UNC5B: variants seen among roughly 807,000 people sequenced by gnomAD.
UNC5B encodes netrin receptor UNC5B.
In UNC5B, 56 loss-of-function variants were observed where a neutral mutation model predicts 103.7. The observed-to-expected ratio is 0.54, with a 90% CI of 0.44 to 0.67. UNC5B has a LOEUF of 0.67. Ranked by LOEUF, UNC5B falls within the 30% of genes least tolerant of loss-of-function variation. The pLI is 0.00. For synonymous variants in UNC5B, 577 were observed against 542.0 expected, an observed-to-expected ratio of 1.06 and a Z score of -0.90; for missense variants, 1,194 against 1,284.5, an observed-to-expected ratio of 0.93 and a Z score of 1.08.
intron 1 of UNC5B, among the ~76,000 whole-genome samples, chr10:71,250,085 A>T (rs546253938): frequency 3.6e-4 from 55 of 152,336 alleles, no homozygotes; most frequent in African/African-American, 1.2e-3. Context: ...ACTCTTGAGC[A>T]GGGCAGAGGT....
intron 1 of UNC5B, 67 bp from the exon 2 acceptor site, chr10:71,279,754 G>T: frequency 6.6e-7 from 1 of 1,524,488 alleles, no homozygotes; most frequent in Non-Finnish European, 8.9e-7. Flanking sequence ...GGCCCCCGGG[G>T]TGGGCGAGGG....
chr10:71,261,391 G>C (rs998663913), intron 1 of UNC5B, among the ~76,000 whole-genome samples: 1 of 152,266 alleles, frequency 6.6e-6, no homozygotes, highest in South Asian at 2.1e-4. Flanking sequence ...TTTGCCCCTA[G>C]ACTAGATTGA....
At chr10:71,219,873 G>A (rs1385078765) in intron 1 of UNC5B, among the ~76,000 whole-genome samples, 3 of 152,248 alleles carry the variant, frequency 2.0e-5, no homozygotes, top group African/African-American at 2.4e-5. Context: ...TGGGGCAGGT[G>A]ATGAGTGCCA....
In UNC5B at chr10:71,291,492, A is replaced by G; in HGVS notation, c.1355A>G (p.Tyr452Cys). 1.2e-6 allele frequency: 2 copies of G among 1,613,952 alleles called. No individual in the cohort carries two copies. Among genetic ancestry groups the G allele is most frequent in the South Asian group, 1.1e-5 (1 of 91,052 alleles). Residue 452 changes from tyrosine to cysteine, a missense_variant, in exon 10 of 17, where the codon TAC becomes TGC. Tyr to Cys is a radical substitution (Grantham distance 194). Coordinates refer to ENST00000335350, the MANE Select transcript of UNC5B (RefSeq NM_170744.5). The part of the protein sequence containing the change: ...PPDLTASAGI[Y>C]RGPVYALQDS... ...GACCTGACAGCCAGCGCCGGCATCT[A>G]CCGCGGACCCGTGTATGCCCTGCAG...
intron 1 of UNC5B, among the ~76,000 whole-genome samples, chr10:71,279,042 C>T (rs1362047309): frequency 1.3e-5 from 2 of 152,206 alleles, no homozygotes; most frequent in Non-Finnish European, 2.9e-5. Context: ...CCATCTGGCC[C>T]CCTTTGTGGG....
At chr10:71,247,158 A>G (rs530668501) in intron 1 of UNC5B, among the ~76,000 whole-genome samples, 2 of 152,348 alleles carry the variant, frequency 1.3e-5, no homozygotes, top group South Asian at 4.1e-4. Flanking sequence ...CTACTGAGCA[A>G]TAATAGACCA....
chr10:71,218,683 C>G (rs944425344), intron 1 of UNC5B, among the ~76,000 whole-genome samples: 1 of 152,212 alleles, frequency 6.6e-6, no homozygotes, highest in African/African-American at 2.4e-5. Context: ...GAGTCCCAGA[C>G]CTGGAGTCTT....
chr10:71,290,765 G>A lies in UNC5B; in HGVS notation c.1100-150G>A, dbSNP rs1359311407. ...TAGAGAGGTTCAAGGCTAGCCCGAG[G>A]TTGCCAGCCTGTGTAGGCAGGGCTC... On this transcript the variant is annotated intron_variant, in intron 8 of 16. Transcript: ENST00000335350. 2.7e-5 allele frequency: 24 copies of A among 895,124 alleles called. 1 individual carries two copies. Among genetic ancestry groups the A allele is most frequent in the South Asian group, 1.7e-4 (9 of 52,196 alleles). 55.4% of individuals were successfully genotyped at this position (895,124 alleles called of 1,614,324 possible).
At chr10:71,252,798 C>T (rs1564717347) in intron 1 of UNC5B, among the ~76,000 whole-genome samples, 1 of 152,166 alleles carries the variant, frequency 6.6e-6, no homozygotes, top group Non-Finnish European at 1.5e-5. Flanking sequence ...GAAGTCCATT[C>T]CAGAGAGCGG....
At chr10:71,239,136 A>T (rs1843833681) in intron 1 of UNC5B, among the ~76,000 whole-genome samples, 1 of 152,080 alleles carries the variant, frequency 6.6e-6, no homozygotes, top group Non-Finnish European at 1.5e-5. Flanking sequence ...AGTGCCAGTG[A>T]CCCAGGGAAG....
chr10:71,227,393 T>C (rs1843586070), intron 1 of UNC5B, among the ~76,000 whole-genome samples: 1 of 151,690 alleles, frequency 6.6e-6, no homozygotes, highest in African/African-American at 2.4e-5. Flanking sequence ...ATAAGAATGA[T>C]ATAATGGACT....
In UNC5B at chr10:71,295,948, G is replaced by A. The variant is rs755853595; in HGVS notation, c.2313G>A (p.Leu771=). The change falls in exon 14 of 17, where the codon CTG becomes CTA. Residue 771 remains leucine (L), a synonymous_variant. Transcript: ENST00000335350. ...ATGCCCATTGGAGGAGCAAGCTGCT[G>A]GCCAAATACCAGGTGAGGGCTGGGC... ...LPHAHWRSKL[L]AKYQEIPFYH... 6.2e-7 allele frequency: 1 copy of A among 1,613,026 alleles called. No individual in the cohort carries two copies. The highest frequency in any genetic ancestry group is 8.5e-7 in the Non-Finnish European group (1 of 1,180,010).
At chr10:71,280,161 A>G in intron 2 of UNC5B, 116 bp downstream of exon 2, 1 of 1,165,530 alleles carries the variant, frequency 8.6e-7, no homozygotes, top group Non-Finnish European at 1.2e-6. Context: ...GCATTTCCCC[A>G]AGTGCTGGCC....
At chr10:71,261,341 A>T (rs1844413113) in intron 1 of UNC5B, among the ~76,000 whole-genome samples, 1 of 152,168 alleles carries the variant, frequency 6.6e-6, no homozygotes, top group South Asian at 2.1e-4. Flanking sequence ...TTTATTAGTG[A>T]TGCTTGCCAC....
chr10:71,296,006 G>A (rs1237544264), intron 14 of UNC5B, 46 bp downstream of exon 14: 1 of 1,610,344 alleles, frequency 6.2e-7, no homozygotes, highest in East Asian at 2.2e-5. Flanking sequence ...CTTAAGGGCT[G>A]CCCGGGAAGC....
chr10:71,260,449 G>T (rs1844391321), intron 1 of UNC5B, among the ~76,000 whole-genome samples: 1 of 152,204 alleles, frequency 6.6e-6, no homozygotes, highest in African/African-American at 2.4e-5. Flanking sequence ...GTGCCCTTAT[G>T]AAAATGCCCT....
intron 8 of UNC5B, among the ~76,000 whole-genome samples, chr10:71,289,636 G>A (rs1018029103): frequency 1.3e-5 from 2 of 152,250 alleles, no homozygotes; most frequent in East Asian, 1.9e-4. Flanking sequence ...GCCCTCGGCC[G>A]AGCTCACTGG....
At chr10:71,264,769 G>C (rs1032284150) in intron 1 of UNC5B, among the ~76,000 whole-genome samples, 4 of 152,152 alleles carry the variant, frequency 2.6e-5, no homozygotes, top group African/African-American at 9.7e-5. Context: ...GCAGGAGCCT[G>C]GGTTTTAGCG....
chr10:71,227,218 C>A (rs1278425793), intron 1 of UNC5B, among the ~76,000 whole-genome samples: 1 of 152,136 alleles, frequency 6.6e-6, no homozygotes, highest in Admixed American at 6.5e-5. Context: ...CTCCTGACCT[C>A]AGGTGATCTG....
Sources: allele counts gnomAD v4.1 joint callset (sites outside exome capture counted in the v4.1 genomes callset), GRCh38; gene constraint gnomAD v4.1.1; transcripts MANE v1.5; gene names NCBI Gene and HGNC (gene_info 2026-07-23, HGNC 2026-07-21).